GPHN: variants seen among roughly 807,000 people sequenced by gnomAD.
GPHN encodes gephyrin.
GPHN carries 17 observed loss-of-function variants against 95.5 expected under a neutral mutation model. The ratio of observed to expected loss-of-function variants is 0.18; its 90% CI spans 0.12 to 0.27. The LOEUF is 0.27. Ranked by LOEUF, GPHN falls within the 10% of genes least tolerant of loss-of-function variation. GPHN has a pLI of 1.00. For synonymous variants in GPHN, 320 were observed against 322.5 expected (o/e 0.99, Z 0.08); for missense variants, 660 against 978.1 (o/e 0.67, Z 4.34).
chr14:67,413,941 G>C, the GPHN span, among the ~76,000 whole-genome samples: 1 of 152,224 alleles, frequency 6.6e-6, no homozygotes, highest in Non-Finnish European at 1.5e-5. Flanking sequence ...CTTGCCCAAG[G>C]TTATGCAGCT....
the GPHN span, among the ~76,000 whole-genome samples, chr14:67,316,052 T>A: frequency 6.6e-6 from 1 of 152,268 alleles, no homozygotes. Flanking sequence ...ATTTGCTTAT[T>A]GATTTTTAAG....
At chr14:67,013,640 A>G (rs899217445) in intron 9 of GPHN, among the ~76,000 whole-genome samples, 2 of 152,164 alleles carry the variant, frequency 1.3e-5, no homozygotes, top group East Asian at 1.9e-4. Context: ...GTATAGACAT[A>G]TATTTGTACA....
intron 1 of GPHN, among the ~76,000 whole-genome samples, chr14:66,676,672 A>ATTTTTTTTTT (rs56906168): frequency 7.9e-5 from 10 of 126,056 alleles, no homozygotes; most frequent in Non-Finnish European, 1.2e-4. Flanking sequence ...ATCGTAGTGT[A>ATTTTTTTTTT]TTTTTTTTTT....
At chr14:67,601,454 C>T in the GPHN span, among the ~76,000 whole-genome samples, 1 of 152,124 alleles carries the variant, frequency 6.6e-6, no homozygotes, top group African/African-American at 2.4e-5. Flanking sequence ...CTGCTTGGAC[C>T]GTGGTAGACA....
At chr14:67,205,168 GACATTGATTATC>G in the GPHN span, 1 of 1,363,596 alleles carries the variant, frequency 7.3e-7, no homozygotes, top group Non-Finnish European at 9.8e-7. Context: ...TTGGTTAGCT[GACATTGATTATC>G]AAAATGCTAT....
At chr14:66,736,723 G>A (rs2072320917) in intron 2 of GPHN, among the ~76,000 whole-genome samples, 1 of 151,936 alleles carries the variant, frequency 6.6e-6, no homozygotes, top group Non-Finnish European at 1.5e-5. Context: ...CTGTTTTCTT[G>A]CCTGTGTGCC....
the GPHN span, chr14:67,646,494 C>T: frequency 3.4e-6 from 2 of 594,030 alleles, no homozygotes; most frequent in Non-Finnish European, 6.0e-6. Context: ...TGTCACTTCT[C>T]CTTCCCAGAT....
chr14:67,347,130 C>T, the GPHN span, among the ~76,000 whole-genome samples: 7 of 152,048 alleles, frequency 4.6e-5, no homozygotes, highest in African/African-American at 1.2e-4. Context: ...ACTACAGGCA[C>T]GTGCCACCAC....
At chr14:67,314,717 C>G in the GPHN span, among the ~76,000 whole-genome samples, 1 of 152,224 alleles carries the variant, frequency 6.6e-6, no homozygotes, top group African/African-American at 2.4e-5. Context: ...GATGACATTT[C>G]TAAGTCTTTT....
chr14:67,391,272 T>C, the GPHN span, among the ~76,000 whole-genome samples: 1 of 86,274 alleles, frequency 1.2e-5, no homozygotes, highest in South Asian at 3.2e-4. Context: ...GCAGCTGATA[T>C]GTGTGTGTGT....
At chr14:66,802,966 GCTTCCCTCT>G (rs1425930268) in intron 3 of GPHN, among the ~76,000 whole-genome samples, 1 of 152,060 alleles carries the variant, frequency 6.6e-6, no homozygotes, top group Non-Finnish European at 1.5e-5. Flanking sequence ...TCAGTAGGTC[GCTTCCCTCT>G]CCACCCCCAG....
At chr14:67,689,598 T>C in the GPHN span, among the ~76,000 whole-genome samples, 1 of 152,174 alleles carries the variant, frequency 6.6e-6, no homozygotes, top group Non-Finnish European at 1.5e-5. Context: ...GAATTAATTA[T>C]GACAATAAAC....
chr14:67,374,841 T>G, the GPHN span, among the ~76,000 whole-genome samples: 1 of 152,208 alleles, frequency 6.6e-6, no homozygotes, highest in African/African-American at 2.4e-5. Flanking sequence ...GAGCTTCAAG[T>G]GATCCTTGAG....
intron 1 of GPHN, among the ~76,000 whole-genome samples, chr14:66,581,669 C>T (rs2061177270): frequency 1.3e-5 from 2 of 151,842 alleles, no homozygotes; most frequent in Admixed American, 1.3e-4. Flanking sequence ...CCTTTAAGGG[C>T]ACATACAGAT....
At chr14:66,598,854 A>AG (rs1166889570) in intron 1 of GPHN, among the ~76,000 whole-genome samples, 5 of 151,584 alleles carry the variant, frequency 3.3e-5, no homozygotes, top group Non-Finnish European at 5.9e-5. Flanking sequence ...AAAAAAAAAA[A>AG]AGGAAAGAAA....
the GPHN span, among the ~76,000 whole-genome samples, chr14:67,250,737 T>G: frequency 3.5e-4 from 54 of 152,340 alleles, no homozygotes; most frequent in African/African-American, 1.2e-3. Context: ...GGGTAATCAG[T>G]ACATACTTAG....
chr14:67,474,265 C>A, the GPHN span, among the ~76,000 whole-genome samples: 48 of 144,826 alleles, frequency 3.3e-4, no homozygotes, highest in African/African-American at 8.4e-4. Flanking sequence ...AAAAACAAAA[C>A]AAAAAAAAAA....
At position 66,872,161 on chromosome 14, in the gene GPHN, A is replaced by G. The variant is rs184615698; in HGVS notation, c.295-7778A>G. On this transcript the variant is annotated intron_variant, in intron 4 of 22. Transcript: ENST00000478722. ...GTTCTAAACTTTATTTATAACATCA[A>G]TTAGCATCTAATACATACCTGATGC... Among the ~76,000 whole-genome samples the G allele has an allele frequency of 9.2e-5, 14 of 152,328 alleles. No individual in the cohort carries two copies. In the South Asian group the frequency reaches 1.0e-3, roughly 11 times the overall value.
rs186622412 is a variant in GPHN at position 66,988,827 on chromosome 14, A to G, written c.963+23502A>G. On this transcript the variant is annotated intron_variant, in intron 9 of 22. Coordinates refer to ENST00000478722, the MANE Select transcript of GPHN (RefSeq NM_020806.5). ...GTAGCAGAAGAAAAACTAAATTACT[A>G]CAGTAATTTATGGCTTTCATTTCTG... Among the ~76,000 whole-genome samples the G allele has an allele frequency of 1.2e-4, 19 of 152,110 alleles. No individual in the cohort carries two copies. In the East Asian group the frequency reaches 3.5e-3, roughly 28 times the overall value.
Sources: allele counts gnomAD v4.1 joint callset (sites outside exome capture counted in the v4.1 genomes callset), GRCh38; gene constraint gnomAD v4.1.1; transcripts MANE v1.5; gene names NCBI Gene and HGNC (gene_info 2026-07-23, HGNC 2026-07-21).